The following CRIPTO variants were observed in gnomAD, a reference collection of about 807,000 sequenced individuals.
The protein encoded by CRIPTO is protein Cripto.
the CRIPTO span, among the ~76,000 whole-genome samples, chr3:46,576,775 A>G: frequency 1.3e-5 from 2 of 152,214 alleles, no homozygotes; most frequent in African/African-American, 4.8e-5. Flanking sequence ...GGCGTATTTA[A>G]TAACACATGA....
chr3:46,575,702 G>T, the CRIPTO span, among the ~76,000 whole-genome samples: 12 of 152,164 alleles, frequency 7.9e-5, no homozygotes, highest in African/African-American at 2.9e-4. Flanking sequence ...ACGCAGGGGT[G>T]TGTTCTTTTG....
At chr3:46,578,739 T>G in the CRIPTO span, among the ~76,000 whole-genome samples, 1 of 152,142 alleles carries the variant, frequency 6.6e-6, no homozygotes, top group Non-Finnish European at 1.5e-5. Context: ...GTTTGTAAAA[T>G]GATTCATCGG....
At chr3:46,577,076 C>T in the CRIPTO span, among the ~76,000 whole-genome samples, 1 of 152,130 alleles carries the variant, frequency 6.6e-6, no homozygotes, top group African/African-American at 2.4e-5. Context: ...TGGAACAGGC[C>T]GGCACTCCCA....
chr3:46,581,195 G>A, the CRIPTO span: 139 of 1,614,040 alleles, frequency 8.6e-5, no homozygotes, highest in African/African-American at 1.3e-4. Flanking sequence ...CCGTCTGCAC[G>A]TACTACCACT....
chr3:46,579,846 C>A, the CRIPTO span: 4 of 1,613,880 alleles, frequency 2.5e-6, no homozygotes, highest in Non-Finnish European at 3.4e-6. Context: ...GCACGATGTG[C>A]GCAAAGAGTA....
chr3:46,580,921 T>C, the CRIPTO span, among the ~76,000 whole-genome samples: 2 of 152,072 alleles, frequency 1.3e-5, no homozygotes, highest in East Asian at 1.9e-4. Context: ...GTAGGGAACA[T>C]GTTCTCTTCC....
the CRIPTO span, chr3:46,581,353 G>C: frequency 4.3e-6 from 4 of 932,418 alleles, no homozygotes; most frequent in Middle Eastern, 2.2e-4. Context: ...ATGATCATTT[G>C]TAGTTGCCTT....
chr3:46,579,219 T>A, the CRIPTO span: 5 of 1,614,132 alleles, frequency 3.1e-6, no homozygotes, highest in Non-Finnish European at 4.2e-6. Context: ...CATGAATTGA[T>A]TTTGTCGTTA....
chr3:46,581,791 G>A, the CRIPTO span: 4 of 269,742 alleles, frequency 1.5e-5, no homozygotes, highest in Non-Finnish European at 2.1e-5. Context: ...GATTACACAC[G>A]TGAGCAACTG....
the CRIPTO span, among the ~76,000 whole-genome samples, chr3:46,576,436 G>A: frequency 1.5e-5 from 2 of 134,876 alleles, no homozygotes; most frequent in Admixed American, 8.4e-5. Flanking sequence ...AGCCAAGATC[G>A]TGCCATTGCA....
chr3:46,577,932 G>A, the CRIPTO span: 2 of 1,610,902 alleles, frequency 1.2e-6, no homozygotes, highest in Non-Finnish European at 1.7e-6. Context: ...GAATTAAAGC[G>A]ATGCTAACGC....
chr3:46,579,312 C>A, the CRIPTO span: 3 of 1,614,054 alleles, frequency 1.9e-6, no homozygotes, highest in African/African-American at 2.7e-5. Context: ...CCAGGAGGAG[C>A]CTGCAATTCG....
At chr3:46,579,226 G>T in the CRIPTO span, 1 of 1,614,024 alleles carries the variant, frequency 6.2e-7, no homozygotes, top group Non-Finnish European at 8.5e-7. Flanking sequence ...TGATTTTGTC[G>T]TTAAGGGCTG....
chr3:46,576,195 C>T, the CRIPTO span, among the ~76,000 whole-genome samples: 1 of 152,180 alleles, frequency 6.6e-6, no homozygotes, highest in Non-Finnish European at 1.5e-5. Context: ...TAAGGCCGGG[C>T]GCGGTAGCTC....
the CRIPTO span, among the ~76,000 whole-genome samples, chr3:46,578,310 G>A: frequency 1.5e-4 from 22 of 143,230 alleles, no homozygotes; most frequent in African/African-American, 4.5e-4. Context: ...AAAATCTTCC[G>A]AAAAGATTAA....
the CRIPTO span, chr3:46,580,062 T>C: frequency 6.2e-7 from 1 of 1,614,140 alleles, no homozygotes; most frequent in African/African-American, 1.3e-5. Flanking sequence ...CCGGCTGTGG[T>C]AAGCGGAGGT....
the CRIPTO span, chr3:46,581,856 G>A: frequency 5.7e-6 from 1 of 174,656 alleles, no homozygotes; most frequent in African/African-American, 2.4e-5. Context: ...TTCTTAATAT[G>A]TTCTTTTAAA....
chr3:46,576,652 A>G, the CRIPTO span, among the ~76,000 whole-genome samples: 3 of 152,270 alleles, frequency 2.0e-5, no homozygotes, highest in African/African-American at 7.2e-5. Flanking sequence ...GATGGATGGA[A>G]ACAACTATCT....
chr3:46,581,284 A>G, the CRIPTO span: 1 of 1,528,878 alleles, frequency 6.5e-7, no homozygotes, highest in Non-Finnish European at 9.1e-7. Context: ...ATACAATTTT[A>G]GATATCATGC....
Sources: allele counts gnomAD v4.1 joint callset (sites outside exome capture counted in the v4.1 genomes callset), GRCh38; gene constraint gnomAD v4.1.1; transcripts MANE v1.5; gene names NCBI Gene and HGNC (gene_info 2026-07-23, HGNC 2026-07-21).